Variants in PCSK2 observed in about 807,000 individuals in gnomAD.
PCSK2 encodes the protein neuroendocrine convertase 2.
PCSK2 carries 14 observed loss-of-function variants against 69.7 expected under a neutral mutation model. That is an observed-to-expected ratio of 0.20 (90% CI 0.13 to 0.31). The LOEUF (loss-of-function observed/expected upper bound fraction) is 0.31, where lower values mean the gene tolerates loss of function less well. PCSK2 is among the 10% of genes least tolerant of loss of function. The probability of loss-of-function intolerance (pLI) is 1.00; values close to 1 mark genes in which losing one functional copy is unlikely to be tolerated. For missense variants in PCSK2, 544 were observed against 842.5 expected, an observed-to-expected ratio of 0.65 and a Z score of 4.39; for synonymous variants, 307 against 320.7, an observed-to-expected ratio of 0.96 and a Z score of 0.46.
At chr20:17,307,182 A>G (rs1269984785) in intron 2 of PCSK2, among the ~76,000 whole-genome samples, 5 of 152,188 alleles carry the variant, frequency 3.3e-5, no homozygotes. Context: ...CCAAGCACTG[A>G]GAATATGAAG....
chr20:17,478,258 G>T (rs900674752), intron 11 of PCSK2, among the ~76,000 whole-genome samples: 1 of 151,714 alleles, frequency 6.6e-6, no homozygotes, highest in African/African-American at 2.4e-5. Context: ...ATTAATACTT[G>T]TCTTCCAACT....
intron 5 of PCSK2, among the ~76,000 whole-genome samples, chr20:17,404,365 G>A (rs2031708559): frequency 6.6e-6 from 1 of 152,216 alleles, no homozygotes. Context: ...CAAGGGCAGT[G>A]TTCTAACCTT....
intron 8 of PCSK2, among the ~76,000 whole-genome samples, chr20:17,450,998 A>AACTAGAGAATTTTCCTC (rs2032811927): frequency 6.6e-6 from 1 of 152,142 alleles, no homozygotes; most frequent in African/African-American, 2.4e-5. Context: ...CTGCCCCCAG[A>AACTAGAGAATTTTCCTC]ACTAGAGAAT....
chr20:17,449,324 G>A (rs1478736380), intron 8 of PCSK2, among the ~76,000 whole-genome samples: 1 of 152,064 alleles, frequency 6.6e-6, no homozygotes, highest in African/African-American at 2.4e-5. Flanking sequence ...TCAGCTCCAG[G>A]GCCACCCTCT....
At chr20:17,372,092 C>G (rs1473785531) in intron 5 of PCSK2, among the ~76,000 whole-genome samples, 1 of 152,154 alleles carries the variant, frequency 6.6e-6, no homozygotes, top group Admixed American at 6.5e-5. Context: ...AAAATTTTAA[C>G]TCAGTCAAAG....
At chr20:17,376,927 C>T (rs140678279) in intron 5 of PCSK2, among the ~76,000 whole-genome samples, 16 of 152,290 alleles carry the variant, frequency 1.1e-4, no homozygotes, top group Non-Finnish European at 2.2e-4. Context: ...CCTCTATCGA[C>T]GATGATCAGA....
At chr20:17,422,129 G>A (rs62201050) in intron 6 of PCSK2, among the ~76,000 whole-genome samples, 1 of 152,096 alleles carries the variant, frequency 6.6e-6, no homozygotes, top group Non-Finnish European at 1.5e-5. Flanking sequence ...AATACAGCCT[G>A]TGGAATAAAA....
chr20:17,284,432 G>C (rs578188825), intron 2 of PCSK2, among the ~76,000 whole-genome samples: 2 of 152,332 alleles, frequency 1.3e-5, no homozygotes, highest in Admixed American at 1.3e-4. Flanking sequence ...CTTTGCAGGA[G>C]TTATCTGATC....
In PCSK2 at chr20:17,336,619, A is replaced by C. The variant is rs139977858; in HGVS notation, c.283-21708A>C. On this transcript the variant is annotated intron_variant, in intron 2 of 11. Transcript: ENST00000262545. ...TGGCAGTTCTGGCTTCTGAATGTGA[A>C]GCTGGTTAAGCAGCAGGTGCCCCCA... 2.2e-3 allele frequency among the ~76,000 whole-genome samples: 331 copies of C among 152,364 alleles called. 4 individuals are homozygous for C. Among genetic ancestry groups the C allele is most frequent in the Admixed American group, 0.019 (294 of 15,300 alleles).
chr20:17,445,439 C>G (rs926272879), intron 8 of PCSK2, among the ~76,000 whole-genome samples: 1 of 152,200 alleles, frequency 6.6e-6, no homozygotes, highest in Non-Finnish European at 1.5e-5. Flanking sequence ...CAAAAATTCT[C>G]TAAGGTACAG....
intron 2 of PCSK2, among the ~76,000 whole-genome samples, chr20:17,272,940 AG>A (rs1195326663): frequency 2.0e-5 from 3 of 152,140 alleles, no homozygotes; most frequent in Non-Finnish European, 4.4e-5. Context: ...CATGACTAAA[AG>A]TACCAGACCA....
intron 2 of PCSK2, among the ~76,000 whole-genome samples, chr20:17,321,741 T>A (rs577110854): frequency 6.6e-6 from 1 of 152,226 alleles, no homozygotes; most frequent in African/African-American, 2.4e-5. Flanking sequence ...GTATTACACA[T>A]GAAAAAACCT....
intron 10 of PCSK2, 122 bp from the exon 11 acceptor site, chr20:17,465,204 G>A: frequency 1.3e-6 from 1 of 756,518 alleles, no homozygotes; most frequent in Non-Finnish European, 2.3e-6. Flanking sequence ...AGTTCACAGA[G>A]ATTCCAAAAT....
At chr20:17,256,290 A>T (rs1408486469) in intron 1 of PCSK2, among the ~76,000 whole-genome samples, 1 of 152,068 alleles carries the variant, frequency 6.6e-6, no homozygotes, top group Non-Finnish European at 1.5e-5. Context: ...AGTTCTTTAG[A>T]TATGGTTTCT....
At chr20:17,411,169 C>T (rs7268871) in intron 6 of PCSK2, among the ~76,000 whole-genome samples, 13,592 of 152,232 alleles carry the variant, frequency 0.089, 826 homozygotes, top group East Asian at 0.18. Context: ...GCATGATCGA[C>T]GCAGAAGATG....
At chr20:17,397,988 T>C (rs1201680071) in intron 5 of PCSK2, among the ~76,000 whole-genome samples, 2 of 152,166 alleles carry the variant, frequency 1.3e-5, no homozygotes, top group Non-Finnish European at 1.5e-5. Context: ...TCTTTACTAT[T>C]AGAGATTAAC....
chr20:17,227,204 TAAAAAC>T lies in PCSK2; in HGVS notation c.-101_-96del. Reference sequence around the variant, plus strand: ...CTCTTTCTCTATACAAAGATTTTTTTAAAAACTATATATAAGAATTCTTTATTTGCA... The same window carrying T: ...CTCTTTCTCTATACAAAGATTTTTTTTATATATAAGAATTCTTTATTTGCA... On this transcript the variant is annotated 5_prime_UTR_variant, in exon 1 of 12. Coordinates refer to ENST00000262545, the MANE Select transcript of PCSK2 (RefSeq NM_002594.5). The T allele has an allele frequency of 1.3e-6, 1 of 766,150 alleles. No individual in the cohort carries two copies. Among genetic ancestry groups the T allele is most frequent in the Admixed American group, 2.3e-5 (1 of 43,158 alleles). 47.5% of individuals were successfully genotyped at this position (766,150 alleles called of 1,614,324 possible).
intron 2 of PCSK2, among the ~76,000 whole-genome samples, chr20:17,317,739 T>A (rs1228976288): frequency 6.6e-6 from 1 of 152,050 alleles, no homozygotes; most frequent in Non-Finnish European, 1.5e-5. Context: ...GAAATAATAA[T>A]AAAATACTAC....
chr20:17,287,887 C>T (rs1340168167), intron 2 of PCSK2, among the ~76,000 whole-genome samples: 1 of 152,226 alleles, frequency 6.6e-6, no homozygotes, highest in Non-Finnish European at 1.5e-5. Context: ...ACTCTGGTGG[C>T]CTCGTTGCCC....
Sources: gnomAD v4.1 joint callset for allele counts (sites outside exome capture counted in the v4.1 genomes callset) on GRCh38, gnomAD v4.1.1 for gene constraint, MANE v1.5 for transcripts, NCBI Gene and HGNC (gene_info 2026-07-23, HGNC 2026-07-21) for gene names.